The following TBCE variants were observed in gnomAD, a reference collection of about 807,000 sequenced individuals.
TBCE encodes tubulin-specific chaperone E.
Under a neutral mutation model 77.0 loss-of-function variants are expected in TBCE, and 53 were observed. The ratio of observed to expected loss-of-function variants is 0.69; its 90% CI spans 0.55 to 0.87. TBCE has a LOEUF of 0.87. Among genes scored for constraint, TBCE ranks in the 40% least tolerant of loss-of-function variants. The pLI is 0.00. For synonymous variants in TBCE, 235 were observed against 241.3 expected (o/e 0.97, Z 0.24); for missense variants, 624 against 622.4 (o/e 1.00, Z -0.03).
At chr1:235,405,018 A>G (rs1047936038) in intron 3 of TBCE, among the ~76,000 whole-genome samples, 4 of 146,578 alleles carry the variant, frequency 2.7e-5, no homozygotes, top group Non-Finnish European at 4.5e-5. Context: ...GCTGGAGTGC[A>G]GTGGCACAAC....
At chr1:235,436,176 T>G in intron 9 of TBCE, 1 of 614,938 alleles carries the variant, frequency 1.6e-6, no homozygotes. Flanking sequence ...CAGTAGGTAC[T>G]CAAGAACCAT....
At chr1:235,392,941 A>C (rs1558356269) in intron 2 of TBCE, among the ~76,000 whole-genome samples, 1 of 151,638 alleles carries the variant, frequency 6.6e-6, no homozygotes. Flanking sequence ...GCTTGAGCCC[A>C]TAAGTTCATG....
chr1:235,378,476 G>C lies in TBCE; in HGVS notation c.-31-1543G>C, dbSNP rs1456081639. On this transcript the variant is annotated intron_variant, in intron 1 of 16. Transcript: ENST00000642610. ...TGGCCTCAGGTGATCTGCCTGCCTTGGCCTCCCAAAGCGCTGAGATTACAG... is the reference window on the plus strand; with the variant it reads ...TGGCCTCAGGTGATCTGCCTGCCTTCGCCTCCCAAAGCGCTGAGATTACAG... 3.3e-5 allele frequency among the ~76,000 whole-genome samples: 5 copies of C among 152,252 alleles called. No individual in the cohort carries two copies. The East Asian group carries it at 9.7e-4, about 29-fold the overall frequency.
chr1:235,439,067 G>T, intron 13 of TBCE, 145 bp downstream of exon 13: 1 of 1,174,036 alleles, frequency 8.5e-7, no homozygotes, highest in South Asian at 1.3e-5. Flanking sequence ...ATGGACTATA[G>T]GCACTTTCCT....
rs921366098 is a variant in TBCE at position 235,372,669 on chromosome 1, A to G, written c.-32+5165A>G. On this transcript the variant is annotated intron_variant, in intron 1 of 16. Transcript: ENST00000642610. Reference sequence around the variant, plus strand: ...GCTGGGCACGGTGGCTCACGTCTGTAATTCCAGCACTTTGGGAGGCCGAGG... The same window carrying G: ...GCTGGGCACGGTGGCTCACGTCTGTGATTCCAGCACTTTGGGAGGCCGAGG... Among the ~76,000 whole-genome samples the G allele has an allele frequency of 3.9e-4, 59 of 152,060 alleles. 1 individual carries two copies. The highest frequency in any genetic ancestry group is 3.4e-3 in the Middle Eastern group (1 of 294).
At position 235,451,252 on chromosome 1, in the gene TBCE, GTC is replaced by G. The variant is rs1206483007; in HGVS notation, c.*2497_*2498del. 2.0e-5 allele frequency: 3 copies of G among 152,188 alleles called. No homozygotes were observed. Among genetic ancestry groups the G allele is most frequent in the Middle Eastern group, 3.2e-3 (1 of 316 alleles). The allele number at this position is 152,188 out of a possible 1,614,324, so 9.4% of individuals were successfully genotyped here. ...TTGCCCCTCAGTGGGATGGAAAGGAGTCTCTCTCCCCTCAGTGCCTACCCACA... is the reference window on the plus strand; with the variant it reads ...TTGCCCCTCAGTGGGATGGAAAGGAGTCTCTCCCCTCAGTGCCTACCCACA... On this transcript the variant is annotated 3_prime_UTR_variant, in exon 17 of 17. Coordinates refer to ENST00000642610, the MANE Select transcript of TBCE (RefSeq NM_003193.5).
chr1:235,447,492 G>C (rs1682446721), intron 15 of TBCE, among the ~76,000 whole-genome samples: 1 of 152,162 alleles, frequency 6.6e-6, no homozygotes, highest in South Asian at 2.1e-4. Flanking sequence ...ATGCCTGGCA[G>C]TCACTTGTGT....
chr1:235,389,806 A>G (rs1678267588), intron 2 of TBCE, among the ~76,000 whole-genome samples: 1 of 152,174 alleles, frequency 6.6e-6, no homozygotes, highest in African/African-American at 2.4e-5. Flanking sequence ...ATTGTTGTAA[A>G]TAAACATTTT....
intron 10 of TBCE, 42 bp from the exon 11 acceptor site, chr1:235,436,502 T>TA: frequency 2.5e-6 from 4 of 1,611,506 alleles, no homozygotes; most frequent in Non-Finnish European, 3.4e-6. Context: ...ATACTTCAGC[T>TA]ACTTTCACTT....
chr1:235,381,342 A>T (rs978251026), intron 2 of TBCE, among the ~76,000 whole-genome samples: 7 of 151,920 alleles, frequency 4.6e-5, no homozygotes, highest in Non-Finnish European at 1.0e-4. Context: ...TTGAAACATA[A>T]TTTTTCTCTC....
At chr1:235,380,415 T>C (rs1345488701) in intron 2 of TBCE, among the ~76,000 whole-genome samples, 1 of 152,160 alleles carries the variant, frequency 6.6e-6, no homozygotes, top group East Asian at 1.9e-4. Context: ...CCTTAAAATA[T>C]CTTCTGAGGA....
intron 2 of TBCE, among the ~76,000 whole-genome samples, chr1:235,399,633 A>G (rs1191047531): frequency 2.0e-5 from 3 of 152,220 alleles, no homozygotes; most frequent in African/African-American, 7.2e-5. Flanking sequence ...ACCTCGCCTT[A>G]GCACACCTCT....
chr1:235,430,433 T>TAAA, intron 6 of TBCE: 1 of 337,066 alleles, frequency 3.0e-6, no homozygotes, highest in Non-Finnish European at 5.6e-6. Context: ...GTTTTGGGTT[T>TAAA]AGGAAGCCTA....
At chr1:235,409,103 C>T (rs941783227) in intron 3 of TBCE, among the ~76,000 whole-genome samples, 2 of 149,546 alleles carry the variant, frequency 1.3e-5, no homozygotes, top group African/African-American at 4.9e-5. Flanking sequence ...ACAAGCTTAA[C>T]TGAGCATCTT....
At position 235,406,857 on chromosome 1, in the gene TBCE, G is replaced by A. The variant is rs1425551785; in HGVS notation, c.185+5270G>A. Among the ~76,000 whole-genome samples the A allele has an allele frequency of 1.3e-4, 16 of 124,786 alleles. No homozygotes were observed. The East Asian group carries it at 2.8e-3, about 22-fold the overall frequency. The allele number at this position is 124,786 out of a possible 152,430, so 81.9% of individuals were successfully genotyped here. ...TTTTTTTTTTTTTTTTTTTTGAGAC[G>A]GAGTTTCGCTCTTGTTGCCCAGGCT... On this transcript the variant is annotated intron_variant, in intron 3 of 16. Transcript: ENST00000642610.
intron 5 of TBCE, among the ~76,000 whole-genome samples, chr1:235,424,145 C>T (rs2102900710): frequency 6.6e-6 from 1 of 152,252 alleles, no homozygotes; most frequent in East Asian, 1.9e-4. Context: ...TAACTTCCCA[C>T]TTGTTCATTT....
At chr1:235,395,338 TTC>T (rs773572615) in intron 2 of TBCE, among the ~76,000 whole-genome samples, 3 of 152,140 alleles carry the variant, frequency 2.0e-5, no homozygotes, top group Non-Finnish European at 2.9e-5. Flanking sequence ...TCACCATTTA[TTC>T]TCTGTTTGTT....
intron 2 of TBCE, among the ~76,000 whole-genome samples, chr1:235,396,954 G>GTTTA (rs143979836): frequency 0.33 from 48,564 of 148,342 alleles, 8,050 homozygotes; most frequent in South Asian, 0.44. Context: ...TTTGTTGATT[G>GTTTA]TTTATTTATT....
At chr1:235,379,601 G>A (rs1174574897) in intron 1 of TBCE, among the ~76,000 whole-genome samples, 3 of 151,846 alleles carry the variant, frequency 2.0e-5, no homozygotes, top group South Asian at 2.1e-4. Context: ...ACCCACATCC[G>A]TCATCACCCT....
Sources: gnomAD v4.1 joint callset for allele counts (sites outside exome capture counted in the v4.1 genomes callset) on GRCh38, gnomAD v4.1.1 for gene constraint, MANE v1.5 for transcripts, NCBI Gene and HGNC (gene_info 2026-07-23, HGNC 2026-07-21) for gene names.